Variants in KCNQ1 observed in about 807,000 individuals in gnomAD.
KCNQ1 encodes potassium voltage-gated channel subfamily Q member 1, also known as potassium voltage-gated channel subfamily KQT member 1.
A neutral mutation model predicts 72.4 loss-of-function variants in KCNQ1; 49 were observed. The ratio of observed to expected loss-of-function variants is 0.68; its 90% CI spans 0.54 to 0.86. KCNQ1 has a LOEUF of 0.86. Among genes scored for constraint, KCNQ1 ranks in the 40% least tolerant of loss-of-function variants. KCNQ1 has a pLI of 0.00. For missense variants in KCNQ1, 790 were observed against 945.1 expected (o/e 0.84, Z 2.15); for synonymous variants, 450 against 412.6 (o/e 1.09, Z -1.10).
At chr11:2,792,336 G>A (rs1289035149) in intron 15 of KCNQ1, among the ~76,000 whole-genome samples, 1 of 152,238 alleles carries the variant, frequency 6.6e-6, no homozygotes, top group African/African-American at 2.4e-5. Flanking sequence ...CCAGTGTGTG[G>A]ACCAGGCAGG....
At chr11:2,694,374 A>G (rs1158902257) in intron 11 of KCNQ1, 5 of 398,564 alleles carry the variant, frequency 1.3e-5, no homozygotes, top group Non-Finnish European at 1.8e-5. Flanking sequence ...ATTTTTGGCT[A>G]TCATGACTAT....
chr11:2,621,320 T>G lies in KCNQ1; in HGVS notation c.1393+32466T>G, dbSNP rs1381282928. 1 of 398,594 alleles carries G rather than the reference T, an allele frequency of 2.5e-6. No individual in the cohort carries two copies. Among genetic ancestry groups the G allele is most frequent in the Non-Finnish European group, 4.4e-6 (1 of 226,048 alleles). 24.7% of individuals were successfully genotyped at this position (398,594 alleles called of 1,614,324 possible). On this transcript the variant is annotated intron_variant, in intron 10 of 15. Coordinates refer to ENST00000155840, the MANE Select transcript of KCNQ1 (RefSeq NM_000218.3). This position sits in a 1 kb window ranked among gnomAD's most constrained non-coding sequence, Gnocchi z 5.7. ...GATTATTAGTGATCATGAGAATGTT[T>G]TTTTGTTTGGCTACTTCTGTATTTT...
At position 2,478,479 on chromosome 11, in the gene KCNQ1, T is replaced by G. The variant is rs1846606011; in HGVS notation, c.386+32995T>G. Among the ~76,000 whole-genome samples, 5 of 152,164 alleles carry G rather than the reference T, an allele frequency of 3.3e-5. No individual in the cohort carries two copies. In the South Asian group the frequency reaches 1.0e-3, roughly 32 times the overall value. ...AGGAAGAACAAAGGAACATCTTACA[T>G]GATGACAGGCAAAGAGATAATGAAA... On this transcript the variant is annotated intron_variant, in intron 1 of 15. Coordinates refer to ENST00000155840, the MANE Select transcript of KCNQ1 (RefSeq NM_000218.3). This position sits in a 1 kb window ranked among gnomAD's most constrained non-coding sequence, Gnocchi z 4.0.
chr11:2,558,187 G>A (rs1198827513), intron 2 of KCNQ1, among the ~76,000 whole-genome samples: 2 of 152,210 alleles, frequency 1.3e-5, no homozygotes, highest in Non-Finnish European at 2.9e-5. Flanking sequence ...CTGCCCCCCA[G>A]CACCAACTGT....
chr11:2,805,825 A>G (rs186383536), intron 15 of KCNQ1, among the ~76,000 whole-genome samples: 5 of 152,338 alleles, frequency 3.3e-5, no homozygotes, highest in Admixed American at 3.3e-4. Context: ...CGCTCTGATG[A>G]CACGTATCAC....
At chr11:2,594,790 T>C (rs1418061472) in intron 10 of KCNQ1, among the ~76,000 whole-genome samples, 3 of 152,242 alleles carry the variant, frequency 2.0e-5, no homozygotes, top group Non-Finnish European at 4.4e-5. Flanking sequence ...ACTTTTAATC[T>C]TTAGGTCATT....
chr11:2,730,864 G>A (rs557520342), intron 11 of KCNQ1, among the ~76,000 whole-genome samples: 31 of 152,320 alleles, frequency 2.0e-4, no homozygotes, highest in African/African-American at 7.2e-4. Context: ...AGGCCTCTGT[G>A]GCTGTGGCCA....
chr11:2,486,448 G>A lies in KCNQ1; in HGVS notation c.386+40964G>A, dbSNP rs1846741736. ...AATATTTTCTCTCATTCTGTGGGGTGCCTTTTTACTCCGTTGATAGTGTCT... is the reference window on the plus strand; with the variant it reads ...AATATTTTCTCTCATTCTGTGGGGTACCTTTTTACTCCGTTGATAGTGTCT... On this transcript the variant is annotated intron_variant, in intron 1 of 15. Coordinates refer to ENST00000155840, the MANE Select transcript of KCNQ1 (RefSeq NM_000218.3). The surrounding 1 kb of genome is among the most constrained non-coding windows in gnomAD (Gnocchi z 5.0). Among the ~76,000 whole-genome samples, 1 of 152,146 alleles carries A rather than the reference G, an allele frequency of 6.6e-6. No homozygotes were observed. The highest frequency in any genetic ancestry group is 2.4e-5 in the African/African-American group (1 of 41,424).
At chr11:2,539,567 C>T (rs760927808) in intron 2 of KCNQ1, among the ~76,000 whole-genome samples, 4 of 152,214 alleles carry the variant, frequency 2.6e-5, no homozygotes, top group Non-Finnish European at 4.4e-5. Flanking sequence ...GGGAACACCG[C>T]CATGGTGCTC....
Position 2,587,700 on chromosome 11 carries a change from G to A in KCNQ1, c.1251+8G>A. 1 of 1,613,596 alleles carries A rather than the reference G, an allele frequency of 6.2e-7. No individual in the cohort carries two copies. The highest frequency in any genetic ancestry group is 2.2e-5 in the East Asian group (1 of 44,888). On this transcript the variant is annotated splice_region_variant and intron_variant, in intron 9 of 15. Transcript: ENST00000155840. Reference sequence around the variant, plus strand: ...CCCAAGAAGTCTGTGGTGGTGAGTAGCCCACCTGCCACCAGGGCAGGGCCT... The same window carrying A: ...CCCAAGAAGTCTGTGGTGGTGAGTAACCCACCTGCCACCAGGGCAGGGCCT...
Position 2,817,551 on chromosome 11 carries a change from G to T in KCNQ1, c.1795-30216G>T, listed in dbSNP as rs1435487775. Among the ~76,000 whole-genome samples, 2 of 152,160 alleles carry T rather than the reference G, an allele frequency of 1.3e-5. No individual in the cohort carries two copies. The highest frequency in any genetic ancestry group is 6.5e-5 in the Admixed American group (1 of 15,288). On this transcript the variant is annotated intron_variant, in intron 15 of 15. Coordinates refer to ENST00000155840, the MANE Select transcript of KCNQ1 (RefSeq NM_000218.3). This position sits in a 1 kb window ranked among gnomAD's most constrained non-coding sequence, Gnocchi z 6.1. ...ACAGGTTCCCCAATTTTGGTTCATG[G>T]TACCTGAGATGACGGCTTCAGATGA...
intron 15 of KCNQ1, among the ~76,000 whole-genome samples, chr11:2,811,549 G>A (rs1847485808): frequency 6.6e-6 from 1 of 152,258 alleles, no homozygotes; most frequent in South Asian, 2.1e-4. Flanking sequence ...GCCCTGCTTG[G>A]TCTGACAAGC....
rs1024095387 is a variant in KCNQ1, at chr11:2,620,899, T to G, written c.1393+32045T>G. 4 of 398,436 alleles carry G rather than the reference T, an allele frequency of 1.0e-5. No individual in the cohort carries two copies. The highest frequency in any genetic ancestry group is 8.8e-5 in the Admixed American group (2 of 22,694). The allele number at this position is 398,436 out of a possible 1,614,324, so 24.7% of individuals were successfully genotyped here. ...AATTGCCATTCTGACTGGTGTGAGATGGCATCCCATTATGGTTTGGTGTTT... is the reference window on the plus strand; with the variant it reads ...AATTGCCATTCTGACTGGTGTGAGAGGGCATCCCATTATGGTTTGGTGTTT... On this transcript the variant is annotated intron_variant, in intron 10 of 15. Transcript: ENST00000155840. The surrounding 1 kb of genome is among the most constrained non-coding windows in gnomAD (Gnocchi z 4.5).
In KCNQ1 at chr11:2,687,890, T is replaced by A. The variant is rs1850518324; in HGVS notation, c.1514+25809T>A. 1 of 398,522 alleles carries A rather than the reference T, an allele frequency of 2.5e-6. No homozygotes were observed. Among genetic ancestry groups the A allele is most frequent in the Non-Finnish European group, 4.4e-6 (1 of 226,108 alleles). 24.7% of individuals were successfully genotyped at this position (398,522 alleles called of 1,614,324 possible). A position where few individuals can be genotyped will look rare whatever the true frequency, so the allele number is the denominator to read the frequency against. ...CTGGACTTGGGGTGTCCCGCGGAAA[T>A]CCTGGTGGGATGGAAAATCCCCAGC... On this transcript the variant is annotated intron_variant, in intron 11 of 15. Coordinates refer to ENST00000155840, the MANE Select transcript of KCNQ1 (RefSeq NM_000218.3). This position sits in a 1 kb window ranked among gnomAD's most constrained non-coding sequence, Gnocchi z 5.0.
chr11:2,574,363 G>A (rs1848388133), intron 6 of KCNQ1, among the ~76,000 whole-genome samples: 1 of 150,648 alleles, frequency 6.6e-6, no homozygotes, highest in South Asian at 2.2e-4. Context: ...CCGATAACAG[G>A]TTAGATGGAA....
intron 10 of KCNQ1, chr11:2,639,039 T>C (rs1419577168): frequency 6.6e-6 from 1 of 152,232 alleles, no homozygotes; most frequent in Non-Finnish European, 1.5e-5. Context: ...GTCACGTAGT[T>C]CTTGTGCCAT....
chr11:2,717,498 G>T (rs568900441), intron 11 of KCNQ1, among the ~76,000 whole-genome samples: 17 of 152,208 alleles, frequency 1.1e-4, no homozygotes, highest in African/African-American at 3.4e-4. Context: ...CTTTTCCCTG[G>T]CTTTCTTCCA....
chr11:2,751,555 G>T (rs1298205669), intron 11 of KCNQ1, among the ~76,000 whole-genome samples: 1 of 152,274 alleles, frequency 6.6e-6, no homozygotes, highest in Non-Finnish European at 1.5e-5. Flanking sequence ...GTTCACTGCT[G>T]GTGGGCACCA....
intron 2 of KCNQ1, among the ~76,000 whole-genome samples, chr11:2,529,267 C>T (rs536786370): frequency 1.3e-5 from 2 of 152,268 alleles, no homozygotes; most frequent in East Asian, 3.9e-4. Context: ...ACTTGGTGGT[C>T]CCGGTACTAA....
Sources: gnomAD v4.1 joint callset for allele counts (sites outside exome capture counted in the v4.1 genomes callset) on GRCh38, gnomAD v4.1.1 for gene constraint, Gnocchi (gnomAD v3.1) non-coding constraint, MANE v1.5 for transcripts, NCBI Gene and HGNC (gene_info 2026-07-23, HGNC 2026-07-21) for gene names.